Variants in ACSS2 observed in about 807,000 individuals in gnomAD.
ACSS2 encodes acetyl-coenzyme A synthetase, cytoplasmic.
A neutral mutation model predicts 90.6 loss-of-function variants in ACSS2; 58 were observed. The observed-to-expected ratio is 0.64, with a 90% CI of 0.52 to 0.80. The LOEUF is 0.80. Ranked by LOEUF, ACSS2 falls within the 30% of genes least tolerant of loss-of-function variation. The probability of loss-of-function intolerance (pLI) is 0.00; values close to 1 mark genes in which losing one functional copy is unlikely to be tolerated. For missense variants in ACSS2, 759 were observed against 912.0 expected, an observed-to-expected ratio of 0.83 and a Z score of 2.16; for synonymous variants, 300 against 330.9, an observed-to-expected ratio of 0.91 and a Z score of 1.01.
chr20:34,876,585 T>G, upstream of ACSS2: 1 of 1,283,960 alleles, frequency 7.8e-7, no homozygotes, highest in South Asian at 2.8e-5. Flanking sequence ...TCGGCCTGTT[T>G]TCTCAGTCCC....
intron 2 of ACSS2, 43 bp downstream of exon 2, chr20:34,883,032 C>T: frequency 1.4e-6 from 2 of 1,474,416 alleles, no homozygotes; most frequent in Non-Finnish European, 1.9e-6. Context: ...TAAAAACACT[C>T]ATTTGATACT....
intron 12 of ACSS2, 63 bp downstream of exon 12, chr20:34,921,663 CTAGT>C: frequency 6.2e-7 from 1 of 1,612,742 alleles, no homozygotes; most frequent in Non-Finnish European, 8.5e-7. Context: ...GGCACTTGGC[CTAGT>C]TAGATAGTGG....
intron 1 of ACSS2, among the ~76,000 whole-genome samples, chr20:34,880,541 G>A (rs1206354217): frequency 2.0e-5 from 3 of 151,274 alleles, no homozygotes; most frequent in African/African-American, 4.9e-5. Context: ...GCGAGACACC[G>A]AGCTAAAAAA....
chr20:34,927,189 G>A lies in ACSS2; in HGVS notation c.2081G>A (p.Ser694Asn). 6.2e-7 allele frequency: 1 copy of A among 1,613,980 alleles called. No homozygotes were observed. The highest frequency in any genetic ancestry group is 8.5e-7 in the Non-Finnish European group (1 of 1,180,030). ...ADPSVISHLFSHRCLTIQ is the reference protein window; with the variant it reads ...ADPSVISHLFNHRCLTIQ ...CCATCTGTCATCAGTCACCTCTTCAGCCACCGCTGCCTGACCATCCAGTGA... is the reference window on the plus strand; with the variant it reads ...CCATCTGTCATCAGTCACCTCTTCAACCACCGCTGCCTGACCATCCAGTGA... The change falls in exon 18 of 18, where the codon AGC (serine) becomes AAC (asparagine). Residue 694 changes from serine (S) to asparagine (N), a missense_variant. Transcript: ENST00000360596. The surrounding 1 kb of genome is among the most constrained non-coding windows in gnomAD (Gnocchi z 4.2).
chr20:34,915,169 G>A, intron 7 of ACSS2: 2 of 1,606,112 alleles, frequency 1.2e-6, no homozygotes, highest in African/African-American at 2.7e-5. Context: ...CCCACTCCCT[G>A]TATACTTGGA....
intron 2 of ACSS2, among the ~76,000 whole-genome samples, chr20:34,891,906 T>A (rs1436351088): frequency 1.3e-5 from 2 of 152,222 alleles, no homozygotes. Flanking sequence ...GACTCTGTCT[T>A]GAGGCCTGTT....
Position 34,882,828 on chromosome 20 carries a change from G to A in ACSS2, c.213G>A (p.Trp71Ter), listed in dbSNP as rs1420867059. 1 of 1,612,386 alleles carries A rather than the reference G, an allele frequency of 6.2e-7. No individual in the cohort carries two copies. The highest frequency in any genetic ancestry group is 1.7e-5 in the Admixed American group (1 of 59,656). Residue 71 changes from tryptophan to a stop codon, truncating the protein, a stop_gained, in exon 2 of 18, where the codon TGG becomes TGA. Coordinates refer to ENST00000360596, the MANE Select transcript of ACSS2 (RefSeq NM_018677.4). LOFTEE classifies it high-confidence loss of function. ...GAGACATTGCCAAGGAATTTTACTG[G>A]AAGACTCCATGCCCTGGCCCATTCC... ...FWGDIAKEFY[W>*]KTPCPGPFLR...
intron 7 of ACSS2, 83 bp downstream of exon 7, chr20:34,914,520 G>C: frequency 8.2e-7 from 1 of 1,226,090 alleles, no homozygotes; most frequent in Non-Finnish European, 1.1e-6. Flanking sequence ...GTCCTTCTTT[G>C]CCTGCTCATC....
In ACSS2 at chr20:34,883,240, A is replaced by G. The variant is rs548908472; in HGVS notation, c.374+251A>G. Reference sequence around the variant, plus strand: ...TGAAGAGGGAGAAAGGGCATTGGCAAATGGAAGAGAACAAGACTGAGTAGC... The same window carrying G: ...TGAAGAGGGAGAAAGGGCATTGGCAGATGGAAGAGAACAAGACTGAGTAGC... On this transcript the variant is annotated intron_variant, in intron 2 of 17. Coordinates refer to ENST00000360596, the MANE Select transcript of ACSS2 (RefSeq NM_018677.4). 5.3e-5 allele frequency among the ~76,000 whole-genome samples: 8 copies of G among 152,302 alleles called. No homozygotes were observed. In the East Asian group the frequency reaches 1.2e-3, roughly 22 times the overall value.
chr20:34,904,079 G>T (rs2080739715), intron 2 of ACSS2, among the ~76,000 whole-genome samples: 2 of 151,884 alleles, frequency 1.3e-5, no homozygotes, highest in South Asian at 4.2e-4. Context: ...TATAATAAAA[G>T]CTAGAAAAAC....
At position 34,925,744 on chromosome 20, in the gene ACSS2, T is replaced by C. The variant is rs766171384; in HGVS notation, c.1704T>C (p.Ile568=). The part of the protein sequence containing the change: ...QDGYYWITGR[I]DDMLNVSGHL... ...GCTATTACTGGATCACTGGCAGGAT[T>C]GATGACATGCTCAATGTATCTGGTG... The change falls in exon 15 of 18, where the codon ATT becomes ATC. Residue 568 remains isoleucine, a synonymous_variant. Coordinates refer to ENST00000360596, the MANE Select transcript of ACSS2 (RefSeq NM_018677.4). The C allele has an allele frequency of 5.6e-6, 9 of 1,613,610 alleles. No individual in the cohort carries two copies. In the South Asian group the frequency reaches 9.9e-5, roughly 18 times the overall value.
chr20:34,904,905 C>CTTT (rs10542624), intron 2 of ACSS2, among the ~76,000 whole-genome samples: 19 of 94,560 alleles, frequency 2.0e-4, no homozygotes, highest in Non-Finnish European at 3.2e-4. Context: ...GTGTTTAAAC[C>CTTT]TTTTTTTTTT....
upstream of ACSS2, chr20:34,876,527 T>A (rs1394518375): frequency 1.1e-5 from 12 of 1,072,158 alleles, no homozygotes; most frequent in South Asian, 2.0e-4. Context: ...ACTAAGCCAC[T>A]CCCCCACTCA....
chr20:34,899,921 A>G (rs975787215), intron 2 of ACSS2, among the ~76,000 whole-genome samples: 1 of 152,150 alleles, frequency 6.6e-6, no homozygotes, highest in Non-Finnish European at 1.5e-5. Flanking sequence ...TCTCTTGGGT[A>G]TATAGCTAGG....
At chr20:34,910,883 C>T (rs937069340) in intron 2 of ACSS2, among the ~76,000 whole-genome samples, 1 of 152,146 alleles carries the variant, frequency 6.6e-6, no homozygotes, top group African/African-American at 2.4e-5. Context: ...AGTTCAGTGA[C>T]ATGATTACAG....
rs1435504745 is a variant in ACSS2 at position 34,888,260 on chromosome 20, T to C, written c.374+5271T>C. On this transcript the variant is annotated intron_variant, in intron 2 of 17. Transcript: ENST00000360596. ...TTTTTGCCACTAATTAGCTGTCTGA[T>C]CTTGGGCAAGTTACTTAACCTCTTT... is the stretch of plus-strand genomic sequence containing the variant. 3.9e-5 allele frequency among the ~76,000 whole-genome samples: 6 copies of C among 152,220 alleles called. No homozygotes were observed. In the South Asian group the frequency reaches 1.2e-3, roughly 32 times the overall value.
chr20:34,899,186 C>T (rs1382362716), intron 2 of ACSS2, among the ~76,000 whole-genome samples: 2 of 152,194 alleles, frequency 1.3e-5, no homozygotes, highest in Non-Finnish European at 2.9e-5. Flanking sequence ...GGGCCTCTCC[C>T]TCCGCACCTC....
At chr20:34,921,722 C>T in intron 12 of ACSS2, 64 bp from the exon 13 acceptor site, 1 of 1,608,954 alleles carries the variant, frequency 6.2e-7, no homozygotes, top group Non-Finnish European at 8.5e-7. Flanking sequence ...TCTGGGGCCC[C>T]TTGGGAGTTG....
rs772148435 is a variant in ACSS2 at position 34,921,029 on chromosome 20, G to A, written c.1167G>A (p.Pro389=). The A allele has an allele frequency of 3.7e-5, 59 of 1,614,002 alleles. No individual in the cohort carries two copies. The highest frequency in any genetic ancestry group is 1.3e-4 in the South Asian group (12 of 91,086). Residue 389 remains proline (P), a synonymous_variant, in exon 10 of 18, where the codon CCG becomes CCA. Coordinates refer to ENST00000360596, the MANE Select transcript of ACSS2 (RefSeq NM_018677.4). ...SVLFEGIPTY[P]DVNRLWSIVD... ...AGTTTGAGGGGATTCCCACATATCC[G>A]GACGTGAACCGCCTGTGGAGCATTG... is the stretch of plus-strand genomic sequence containing the variant.
Sources: gnomAD v4.1 joint callset for allele counts (sites outside exome capture counted in the v4.1 genomes callset) on GRCh38, gnomAD v4.1.1 for gene constraint, Gnocchi (gnomAD v3.1) non-coding constraint, MANE v1.5 for transcripts, NCBI Gene and HGNC (gene_info 2026-07-23, HGNC 2026-07-21) for gene names.